The following ANKS1B variants were observed in gnomAD, a reference collection of about 807,000 sequenced individuals.
The protein encoded by ANKS1B is ankyrin repeat and sterile alpha motif domain-containing protein 1B.
A neutral mutation model predicts 148.3 loss-of-function variants in ANKS1B; 36 were observed. The ratio of observed to expected loss-of-function variants is 0.24; its 90% confidence interval spans 0.19 to 0.32. The LOEUF (loss-of-function observed/expected upper bound fraction) is 0.32, where lower values mean the gene tolerates loss of function less well. Ranked by LOEUF, ANKS1B falls within the 10% of genes least tolerant of loss-of-function variation. The pLI, the probability that ANKS1B is intolerant of heterozygous loss-of-function variation, is 1.00. For missense variants in ANKS1B, 1,157 were observed against 1,542.6 expected (o/e 0.75, Z 4.19); for synonymous variants, 542 against 560.8 (o/e 0.97, Z 0.47).
chr12:99,484,609 G>A (rs190078081), intron 10 of ANKS1B, among the ~76,000 whole-genome samples: 4 of 151,798 alleles, frequency 2.6e-5, no homozygotes, highest in Non-Finnish European at 4.4e-5. Context: ...TTCCACTATT[G>A]TTATGTTGCT....
chr12:99,369,740 GGATAGAAA>G (rs1353649417), intron 12 of ANKS1B, among the ~76,000 whole-genome samples: 7 of 121,410 alleles, frequency 5.8e-5, no homozygotes, highest in African/African-American at 1.8e-4. Context: ...ATAGATAAAT[GGATAGAAA>G]GATAGATAGA....
intron 17 of ANKS1B, among the ~76,000 whole-genome samples, chr12:98,990,337 AT>A (rs141095928): frequency 0.021 from 3,095 of 149,606 alleles, 108 homozygotes; most frequent in African/African-American, 0.071. Context: ...AACGCTACTG[AT>A]TTTTTTTTTC....
At chr12:99,352,378 A>G (rs2091514163) in intron 12 of ANKS1B, among the ~76,000 whole-genome samples, 1 of 152,034 alleles carries the variant, frequency 6.6e-6, no homozygotes, top group African/African-American at 2.4e-5. Context: ...AGAATGACAG[A>G]AACATCAAGC....
chr12:99,869,167 A>G (rs950254907), intron 1 of ANKS1B, among the ~76,000 whole-genome samples: 20 of 152,176 alleles, frequency 1.3e-4, no homozygotes, highest in African/African-American at 4.6e-4. Flanking sequence ...TATAGATTCA[A>G]TGTGATTCCA....
chr12:99,332,293 C>T (rs1452970164), intron 12 of ANKS1B, among the ~76,000 whole-genome samples: 4 of 152,124 alleles, frequency 2.6e-5, no homozygotes, highest in East Asian at 1.9e-4. Context: ...ACAACATATA[C>T]GATGTGCTGT....
intron 12 of ANKS1B, among the ~76,000 whole-genome samples, chr12:99,385,766 T>C (rs2093834544): frequency 6.6e-6 from 1 of 152,234 alleles, no homozygotes; most frequent in African/African-American, 2.4e-5. Flanking sequence ...CTAGAAAATA[T>C]GCTAAGGAGA....
chr12:99,563,385 C>A (rs2097356890), intron 9 of ANKS1B, among the ~76,000 whole-genome samples: 1 of 152,164 alleles, frequency 6.6e-6, no homozygotes. Context: ...CACTTGAACA[C>A]TTAAGAGCCC....
At chr12:98,780,997 G>C in intron 24 of ANKS1B, 120 bp downstream of exon 24, 1 of 632,158 alleles carries the variant, frequency 1.6e-6, no homozygotes, top group Non-Finnish European at 2.8e-6. Flanking sequence ...GAAGCATGAA[G>C]GTTGGGGGAA....
chr12:99,550,052 GTGT>G (rs2097204132), intron 9 of ANKS1B, among the ~76,000 whole-genome samples: 2 of 152,186 alleles, frequency 1.3e-5, no homozygotes, highest in South Asian at 2.1e-4. Flanking sequence ...CAATAAACCT[GTGT>G]TGTTGTTGAG....
At chr12:99,599,022 T>A (rs1286776241) in intron 9 of ANKS1B, among the ~76,000 whole-genome samples, 2 of 152,030 alleles carry the variant, frequency 1.3e-5, no homozygotes, top group African/African-American at 4.8e-5. Flanking sequence ...TGTAATCATA[T>A]TGCACAATTT....
intron 8 of ANKS1B, among the ~76,000 whole-genome samples, chr12:99,672,827 C>T (rs541031143): frequency 1.3e-5 from 2 of 152,192 alleles, no homozygotes; most frequent in Admixed American, 6.5e-5. Context: ...TGGTGTTAAA[C>T]TTTCTTGGGA....
chr12:99,404,252 A>G (rs1309177507), intron 11 of ANKS1B, among the ~76,000 whole-genome samples: 1 of 145,754 alleles, frequency 6.9e-6, no homozygotes, highest in African/African-American at 2.6e-5. Flanking sequence ...TGACAAAATA[A>G]TCTGTACAAC....
chr12:99,767,474 A>C (rs1489398395), intron 8 of ANKS1B, among the ~76,000 whole-genome samples: 1 of 152,086 alleles, frequency 6.6e-6, no homozygotes, highest in Non-Finnish European at 1.5e-5. Flanking sequence ...CTTTATCATC[A>C]AATTTCTCTA....
chr12:99,939,973 G>C (rs2094878601), intron 1 of ANKS1B, among the ~76,000 whole-genome samples: 1 of 152,190 alleles, frequency 6.6e-6, no homozygotes, highest in African/African-American at 2.4e-5. Flanking sequence ...TGTTAAAAAG[G>C]CTTTTTGCAA....
chr12:99,262,956 T>C (rs1290862035), intron 12 of ANKS1B, among the ~76,000 whole-genome samples: 1 of 152,052 alleles, frequency 6.6e-6, no homozygotes, highest in Non-Finnish European at 1.5e-5. Context: ...ATCAGTAAAT[T>C]TTTGTTTCTC....
chr12:98,967,297 C>G (rs1311738503), intron 17 of ANKS1B, among the ~76,000 whole-genome samples: 1 of 152,084 alleles, frequency 6.6e-6, no homozygotes, highest in Non-Finnish European at 1.5e-5. Flanking sequence ...CTCCTAATTA[C>G]TTTGGACCAC....
intron 14 of ANKS1B, among the ~76,000 whole-genome samples, chr12:99,233,344 G>A: frequency 6.6e-6 from 1 of 152,086 alleles, no homozygotes; most frequent in East Asian, 1.9e-4. Flanking sequence ...TGAGGAAGTT[G>A]ACATCAGGGA....
intron 9 of ANKS1B, among the ~76,000 whole-genome samples, chr12:99,653,607 T>C (rs2098435620): frequency 6.6e-6 from 1 of 151,714 alleles, no homozygotes; most frequent in Non-Finnish European, 1.5e-5. Context: ...TTCCAATTAT[T>C]TTTTTTTGTT....
intron 9 of ANKS1B, among the ~76,000 whole-genome samples, chr12:99,584,300 A>G (rs534239567): frequency 6.6e-6 from 1 of 152,290 alleles, no homozygotes; most frequent in East Asian, 1.9e-4. Context: ...AAATTCTTCT[A>G]TATTAAAACA....
Sources: gnomAD v4.1 joint callset for allele counts (sites outside exome capture counted in the v4.1 genomes callset) on GRCh38, gnomAD v4.1.1 for gene constraint, MANE v1.5 for transcripts, NCBI Gene and HGNC (gene_info 2026-07-23, HGNC 2026-07-21) for gene names.